The following GPR137C variants were observed in gnomAD, a reference collection of about 807,000 sequenced individuals.
GPR137C encodes G protein-coupled receptor 137C.
In GPR137C, 27 loss-of-function variants were observed where a neutral mutation model predicts 43.4. That is an observed-to-expected ratio of 0.62 (90% CI 0.46 to 0.86). The LOEUF (loss-of-function observed/expected upper bound fraction) is 0.86, where lower values mean the gene tolerates loss of function less well. Among genes scored for constraint, GPR137C ranks in the 40% least tolerant of loss-of-function variants. The probability of loss-of-function intolerance (pLI) is 0.00; values close to 1 mark genes in which losing one functional copy is unlikely to be tolerated. For missense variants in GPR137C, 522 were observed against 534.6 expected, an observed-to-expected ratio of 0.98 and a Z score of 0.23; for synonymous variants, 285 against 226.9, an observed-to-expected ratio of 1.26 and a Z score of -2.30.
At chr14:52,580,242 C>T (rs1050738956) in intron 1 of GPR137C, among the ~76,000 whole-genome samples, 33 of 151,844 alleles carry the variant, frequency 2.2e-4, no homozygotes, top group African/African-American at 7.5e-4. Context: ...TATGGATATT[C>T]GATATTTATT....
At chr14:52,578,001 C>A (rs2038589384) in intron 1 of GPR137C, among the ~76,000 whole-genome samples, 2 of 151,960 alleles carry the variant, frequency 1.3e-5, no homozygotes, top group Non-Finnish European at 2.9e-5. Flanking sequence ...CAACTGATAC[C>A]ACAGAAATAC....
chr14:52,629,346 A>T (rs1181610473), intron 3 of GPR137C, among the ~76,000 whole-genome samples: 1 of 152,216 alleles, frequency 6.6e-6, no homozygotes, highest in Non-Finnish European at 1.5e-5. Context: ...TCTAACTGTC[A>T]TATAAACAAA....
At chr14:52,593,981 C>G (rs527312580) in intron 1 of GPR137C, among the ~76,000 whole-genome samples, 2 of 152,290 alleles carry the variant, frequency 1.3e-5, no homozygotes, top group Middle Eastern at 6.8e-3. Context: ...CTGTAAATTT[C>G]CCTCTACACA....
chr14:52,589,897 A>G (rs1305715148), intron 1 of GPR137C, among the ~76,000 whole-genome samples: 1 of 152,216 alleles, frequency 6.6e-6, no homozygotes, highest in Non-Finnish European at 1.5e-5. Flanking sequence ...TGTAGCACAT[A>G]CAATTATGTA....
At chr14:52,608,923 C>G (rs1201798255) in intron 3 of GPR137C, among the ~76,000 whole-genome samples, 1 of 152,158 alleles carries the variant, frequency 6.6e-6, no homozygotes, top group Non-Finnish European at 1.5e-5. Context: ...TGGACTGACT[C>G]TGATTGGTGA....
At chr14:52,575,928 G>T (rs558728106) in intron 1 of GPR137C, among the ~76,000 whole-genome samples, 1 of 152,202 alleles carries the variant, frequency 6.6e-6, no homozygotes, top group African/African-American at 2.4e-5. Context: ...GAGTCTTACA[G>T]ATAGAGCTTA....
At position 52,625,532 on chromosome 14, in the gene GPR137C, CTTTTTTTTTTTTTTTTTTTTTT is replaced by C. The variant is rs770278309; in HGVS notation, c.718-6609_718-6588del. Among the ~76,000 whole-genome samples, 16 of 36,082 alleles carry C rather than the reference CTTTTTTTTTTTTTTTTTTTTTT, an allele frequency of 4.4e-4. No homozygotes were observed. The East Asian group carries it at 0.01, about 23-fold the overall frequency. The allele number at this position is 36,082 out of a possible 152,430, so 23.7% of individuals were successfully genotyped here. On this transcript the variant is annotated intron_variant, in intron 3 of 6. Coordinates refer to ENST00000321662, the MANE Select transcript of GPR137C (RefSeq NM_001099652.2). Reference sequence around the variant, plus strand: ...GAAAATAGAGGAGGGAAGAACACATCTTTTTTTTTTTTTTTTTTTTTTTTTTTTTTTTTTTTTTTTGAGACGG... The same window carrying C: ...GAAAATAGAGGAGGGAAGAACACATCTTTTTTTTTTTTTTTTTTGAGACGG...
intron 1 of GPR137C, among the ~76,000 whole-genome samples, chr14:52,556,754 A>G (rs2038200873): frequency 6.6e-6 from 1 of 152,112 alleles, no homozygotes; most frequent in African/African-American, 2.4e-5. Context: ...ATATCCATGT[A>G]AGAAACCTGC....
intron 1 of GPR137C, among the ~76,000 whole-genome samples, chr14:52,588,772 A>G (rs2038743704): frequency 6.6e-6 from 1 of 152,244 alleles, no homozygotes; most frequent in Non-Finnish European, 1.5e-5. Flanking sequence ...TCTGAAAATT[A>G]CATGATAGTA....
At chr14:52,624,104 T>A (rs1056926289) in intron 3 of GPR137C, among the ~76,000 whole-genome samples, 3 of 151,350 alleles carry the variant, frequency 2.0e-5, no homozygotes, top group African/African-American at 7.2e-5. Flanking sequence ...TCTAATTAAA[T>A]TTTTTTAAGT....
chr14:52,564,269 C>T lies in GPR137C; in HGVS notation c.444+10678C>T, dbSNP rs1344350588. Among the ~76,000 whole-genome samples, 304 of 102,644 alleles carry T rather than the reference C, an allele frequency of 3.0e-3. 2 individuals carry two copies. The highest frequency in any genetic ancestry group is 0.014 in the African/African-American group (291 of 21,382). The allele number at this position is 102,644 out of a possible 152,430, so 67.3% of individuals were successfully genotyped here. A position where few individuals can be genotyped will look rare whatever the true frequency, so the allele number is the denominator to read the frequency against. On this transcript the variant is annotated intron_variant, in intron 1 of 6. Transcript: ENST00000321662. ...CACCCTGGGCAACAGAGTGAGACTTCGTCTCAAAAAAAAAAAAAAAAAAGC... is the reference window on the plus strand; with the variant it reads ...CACCCTGGGCAACAGAGTGAGACTTTGTCTCAAAAAAAAAAAAAAAAAAGC...
intron 3 of GPR137C, among the ~76,000 whole-genome samples, chr14:52,631,086 T>C (rs1183221092): frequency 1.3e-5 from 2 of 152,190 alleles, no homozygotes; most frequent in East Asian, 1.9e-4. Flanking sequence ...AATTTACACA[T>C]TCTATGTGTT....
intron 1 of GPR137C, among the ~76,000 whole-genome samples, chr14:52,585,350 C>G (rs1307804021): frequency 6.6e-6 from 1 of 152,092 alleles, no homozygotes. Flanking sequence ...AACAATTAAA[C>G]TAACTCTCTC....
intron 1 of GPR137C, among the ~76,000 whole-genome samples, chr14:52,562,370 C>T (rs2139439243): frequency 6.6e-6 from 1 of 152,246 alleles, no homozygotes; most frequent in East Asian, 1.9e-4. Context: ...CATGGTAGTA[C>T]TATTGATTGT....
At chr14:52,574,118 G>C (rs1020539116) in intron 1 of GPR137C, among the ~76,000 whole-genome samples, 22 of 151,920 alleles carry the variant, frequency 1.4e-4, no homozygotes, top group Non-Finnish European at 2.5e-4. Flanking sequence ...TACACTGTTG[G>C]TGGGAGTGTA....
rs79424319 is a variant in GPR137C at position 52,568,897 on chromosome 14, G to A, written c.444+15306G>A. Among the ~76,000 whole-genome samples the A allele has an allele frequency of 2.5e-3, 387 of 152,320 alleles. 4 individuals are homozygous for A. The highest frequency in any genetic ancestry group is 8.8e-3 in the African/African-American group (366 of 41,572). ...GCAGACTTAAACATTACTGCCTGCC[G>A]GCTCTTAAGAGAGCAGCGGATCTCC... On this transcript the variant is annotated intron_variant, in intron 1 of 6. Transcript: ENST00000321662.
chr14:52,614,826 A>G (rs2039080831), intron 3 of GPR137C, among the ~76,000 whole-genome samples: 2 of 152,090 alleles, frequency 1.3e-5, no homozygotes, highest in Non-Finnish European at 2.9e-5. Flanking sequence ...TTTTTCCTAT[A>G]GAGTTTGAGT....
chr14:52,567,819 C>G (rs1397438079), intron 1 of GPR137C, among the ~76,000 whole-genome samples: 1 of 152,038 alleles, frequency 6.6e-6, no homozygotes, highest in South Asian at 2.1e-4. Flanking sequence ...GCCTCCACGC[C>G]TGGCTAATTT....
At chr14:52,590,602 A>ATGTTTTTTATGTTTTTT in intron 1 of GPR137C, among the ~76,000 whole-genome samples, 1 of 152,158 alleles carries the variant, frequency 6.6e-6, no homozygotes. Flanking sequence ...TTTATCTTGT[A>ATGTTTTTTATGTTTTTT]TACCACATTT....
Sources: gnomAD v4.1 joint callset for allele counts (sites outside exome capture counted in the v4.1 genomes callset) on GRCh38, gnomAD v4.1.1 for gene constraint, MANE v1.5 for transcripts, NCBI Gene and HGNC (gene_info 2026-07-23, HGNC 2026-07-21) for gene names.